IL17RB: variants seen among roughly 807,000 people sequenced by gnomAD.
IL17RB encodes the protein interleukin 17 receptor B.
IL17RB carries 36 observed loss-of-function variants against 43.9 expected under a neutral mutation model. The observed-to-expected ratio is 0.82, with a 90% CI of 0.63 to 1.08. The LOEUF (loss-of-function observed/expected upper bound fraction) is 1.08, where lower values mean the gene tolerates loss of function less well. Ranked by LOEUF, IL17RB falls within the 50% of genes least tolerant of loss-of-function variation. The pLI, the probability that IL17RB is intolerant of heterozygous loss-of-function variation, is 0.00. For synonymous variants in IL17RB, 225 were observed against 225.4 expected, an observed-to-expected ratio of 1.00 and a Z score of 0.02; for missense variants, 613 against 613.6, an observed-to-expected ratio of 1.00 and a Z score of 0.01.
intron 6 of IL17RB, among the ~76,000 whole-genome samples, 162 bp from the exon 7 acceptor site, chr3:53,856,682 G>C (rs1699344807): frequency 6.6e-6 from 1 of 152,184 alleles, no homozygotes; most frequent in Non-Finnish European, 1.5e-5. Flanking sequence ...CAAGTACTTT[G>C]AGACTTTGGA....
At chr3:53,854,758 A>G (rs9840362) in intron 5 of IL17RB, among the ~76,000 whole-genome samples, 76,350 of 152,048 alleles carry the variant, frequency 0.5, 20,726 homozygotes, top group East Asian at 0.95. Context: ...TGGGGTGAGG[A>G]TAGGGGAGTG....
intron 6 of IL17RB, 50 bp downstream of exon 6, chr3:53,855,391 G>A (rs749481984): frequency 1.6e-6 from 2 of 1,278,540 alleles, no homozygotes; most frequent in Non-Finnish European, 2.3e-6. Flanking sequence ...CTTGTAACTT[G>A]AGGCAGCATA....
rs1332970056 is a variant in IL17RB at position 53,856,980 on chromosome 3, G to A, written c.666G>A (p.Val222=). The change falls in exon 7 of 11, where the codon GTG becomes GTA. Residue 222 remains valine (V), a synonymous_variant. Coordinates refer to ENST00000288167, the MANE Select transcript of IL17RB (RefSeq NM_018725.4). ...GCACTATCATCGGGTTTTCTCAGGT[G>A]TTTGAGGTACTTTTTCTCTTCGTCC... ...QHSTIIGFSQ[V]FEPHQKKQTR... The A allele has an allele frequency of 6.2e-7, 1 of 1,613,828 alleles. No individual in the cohort carries two copies. The highest frequency in any genetic ancestry group is 8.5e-7 in the Non-Finnish European group (1 of 1,180,022).
intron 8 of IL17RB, chr3:53,858,454 C>A: frequency 7.8e-7 from 1 of 1,283,476 alleles, no homozygotes; most frequent in Admixed American, 3.5e-5. Flanking sequence ...TGACCTAGCC[C>A]TTTTAGGTAA....
chr3:53,848,721 T>TTACATTGA, intron 2 of IL17RB, 33 bp downstream of exon 2: 7 of 1,611,898 alleles, frequency 4.3e-6, no homozygotes, highest in Non-Finnish European at 5.9e-6. Flanking sequence ...ATTTGGGGCT[T>TTACATTGA]TACATTGAAA....
In IL17RB at chr3:53,865,645, G is replaced by C. The variant is rs534304389; in HGVS notation, c.*337G>C. On this transcript the variant is annotated 3_prime_UTR_variant, in exon 11 of 11. Coordinates refer to ENST00000288167, the MANE Select transcript of IL17RB (RefSeq NM_018725.4). ...ATTGCAGTGTACCCAGAACTGTTTA[G>C]CTAATATTCTATGTTTAATTAATGA... The C allele has an allele frequency of 4.0e-4, 77 of 190,518 alleles. No individual in the cohort carries two copies. The highest frequency in any genetic ancestry group is 1.7e-3 in the African/African-American group (72 of 42,876). The allele number at this position is 190,518 out of a possible 1,614,324, so 11.8% of individuals were successfully genotyped here.
intron 1 of IL17RB, among the ~76,000 whole-genome samples, chr3:53,847,216 C>T (rs1346470112): frequency 1.3e-5 from 2 of 152,170 alleles, no homozygotes; most frequent in Non-Finnish European, 2.9e-5. Flanking sequence ...CCGCTGCCCT[C>T]TTAGAATAGC....
chr3:53,864,925 A>G lies in IL17RB; in HGVS notation c.1126A>G (p.Met376Val). 2 of 1,614,216 alleles carry G rather than the reference A, an allele frequency of 1.2e-6. No individual in the cohort carries two copies. Among genetic ancestry groups the G allele is most frequent in the African/African-American group, 1.3e-5 (1 of 75,058 alleles). The change falls in exon 11 of 11, where the codon ATG becomes GTG. Residue 376 changes from methionine (M) to valine (V), a missense_variant. Transcript: ENST00000288167. Reference sequence around the variant, plus strand: ...GTGGCAGAAAAAGAAAATAGCAGAGATGGGTCCAGTGCAGTGGCTTGCCAC... The same window carrying G: ...GTGGCAGAAAAAGAAAATAGCAGAGGTGGGTCCAGTGCAGTGGCTTGCCAC... ...EKWQKKKIAE[M>V]GPVQWLATQK...
chr3:53,849,963 G>A (rs1359201913), intron 3 of IL17RB, among the ~76,000 whole-genome samples, 168 bp downstream of exon 3: 1 of 152,108 alleles, frequency 6.6e-6, no homozygotes, highest in Non-Finnish European at 1.5e-5. Context: ...CTTACAACAG[G>A]CAACATTAGA....
Position 53,848,790 on chromosome 3 carries a change from AG to A in IL17RB, c.85+105del, listed in dbSNP as rs1699029868. On this transcript the variant is annotated intron_variant, in intron 2 of 10. Coordinates refer to ENST00000288167, the MANE Select transcript of IL17RB (RefSeq NM_018725.4). ...CAATAGGTCATCGAAGACCAGACAC[AG>A]GGTGACCCATTGCTTTATTGGCTGA... 1.2e-5 allele frequency: 15 copies of A among 1,204,184 alleles called. No homozygotes were observed. In the Admixed American group the frequency reaches 2.5e-4, roughly 20 times the overall value. The allele number at this position is 1,204,184 out of a possible 1,614,324, so 74.6% of individuals were successfully genotyped here. A position where few individuals can be genotyped will look rare whatever the true frequency, so the allele number is the denominator to read the frequency against.
Position 53,857,002 on chromosome 3 carries a change from G to T in IL17RB, c.672+16G>T. The stretch of plus-strand genomic sequence containing the variant: ...GGTGTTTGAGGTACTTTTTCTCTTC[G>T]TCCCCTTCACCTCGTCCTCCAGCTT... On this transcript the variant is annotated intron_variant, in intron 7 of 10. Coordinates refer to ENST00000288167, the MANE Select transcript of IL17RB (RefSeq NM_018725.4). The T allele has an allele frequency of 6.2e-7, 1 of 1,612,988 alleles. No homozygotes were observed. The highest frequency in any genetic ancestry group is 8.5e-7 in the Non-Finnish European group (1 of 1,179,750).
chr3:53,847,109 A>G (rs1231855895), intron 1 of IL17RB, among the ~76,000 whole-genome samples: 1 of 152,180 alleles, frequency 6.6e-6, no homozygotes, highest in Non-Finnish European at 1.5e-5. Flanking sequence ...TCGTGAAGGC[A>G]GTTGCCTTTC....
Position 53,865,437 on chromosome 3 carries a change from A to C in IL17RB, c.*129A>C. ...CTTAGTAATTAAAACATTTTATACC[A>C]ATAAAATTTTCAAATATTGCTAACT... On this transcript the variant is annotated 3_prime_UTR_variant, in exon 11 of 11. Coordinates refer to ENST00000288167, the MANE Select transcript of IL17RB (RefSeq NM_018725.4). 1.5e-6 allele frequency: 1 copy of C among 671,500 alleles called. No homozygotes were observed. Among genetic ancestry groups the C allele is most frequent in the Non-Finnish European group, 2.3e-6 (1 of 426,034 alleles). 41.6% of individuals were successfully genotyped at this position (671,500 alleles called of 1,614,324 possible).
At position 53,852,945 on chromosome 3, in the gene IL17RB, T is replaced by G; in HGVS notation, c.429T>G (p.Asn143Lys). 1 of 1,613,856 alleles carries G rather than the reference T, an allele frequency of 6.2e-7. No homozygotes were observed. Among genetic ancestry groups the G allele is most frequent in the Non-Finnish European group, 8.5e-7 (1 of 1,179,700 alleles). Residue 143 changes from asparagine (N) to lysine (K), a missense_variant, in exon 5 of 11, where the codon AAT (asparagine) becomes AAG (lysine). Physicochemically the swap from Asn to Lys is moderately conservative, Grantham distance 94. Coordinates refer to ENST00000288167, the MANE Select transcript of IL17RB (RefSeq NM_018725.4). ...VYFIGAHNIP[N>K]ANMNEDGPSM... is the part of the protein sequence containing the mutation. ...TCATTGGGGCCCATAATATTCCTAA[T>G]GCAAATATGAATGAAGATGGCCCTT... is the stretch of plus-strand genomic sequence containing the variant.
intron 1 of IL17RB, among the ~76,000 whole-genome samples, chr3:53,847,053 C>T (rs1324787826): frequency 1.3e-5 from 2 of 152,194 alleles, no homozygotes; most frequent in East Asian, 3.8e-4. Flanking sequence ...ACTGTTTCTC[C>T]ATTAGTACCC....
chr3:53,858,675 C>T (rs1699441597), intron 8 of IL17RB, 44 bp from the exon 9 acceptor site: 2 of 1,605,474 alleles, frequency 1.2e-6, no homozygotes, highest in Non-Finnish European at 1.7e-6. Context: ...AGATTTTGCT[C>T]TGATGCATGG....
chr3:53,848,174 G>C (rs944919015), intron 1 of IL17RB, among the ~76,000 whole-genome samples: 1 of 152,232 alleles, frequency 6.6e-6, no homozygotes, highest in African/African-American at 2.4e-5. Flanking sequence ...TTTTGTGTTA[G>C]AAGGGGAACA....
At chr3:53,854,070 T>C (rs1369838628) in intron 5 of IL17RB, among the ~76,000 whole-genome samples, 1 of 152,036 alleles carries the variant, frequency 6.6e-6, no homozygotes, top group Non-Finnish European at 1.5e-5. Context: ...CTAATTTTTG[T>C]ATTTTTAGTA....
chr3:53,853,039 A>T (rs767877127), intron 5 of IL17RB, 42 bp downstream of exon 5: 1 of 1,612,262 alleles, frequency 6.2e-7, no homozygotes, highest in Admixed American at 1.7e-5. Context: ...TCTTGCTGGG[A>T]TGCCTGCTTT....
Sources: gnomAD v4.1 joint callset for allele counts (sites outside exome capture counted in the v4.1 genomes callset) on GRCh38, gnomAD v4.1.1 for gene constraint, MANE v1.5 for transcripts, NCBI Gene and HGNC (gene_info 2026-07-23, HGNC 2026-07-21) for gene names.